CHRND: variants seen among roughly 807,000 people sequenced by gnomAD.
The protein encoded by CHRND is cholinergic receptor nicotinic delta subunit.
CHRND carries 40 observed loss-of-function variants against 57.8 expected under a neutral mutation model. The ratio of observed to expected loss-of-function variants is 0.69; its 90% CI spans 0.54 to 0.90. The LOEUF is 0.90. CHRND is among the 40% of genes least tolerant of loss of function. The probability of loss-of-function intolerance (pLI) is 0.00; values close to 1 mark genes in which losing one functional copy is unlikely to be tolerated. For missense variants in CHRND, 634 were observed against 673.9 expected (o/e 0.94, Z 0.66); for synonymous variants, 237 against 270.6 (o/e 0.88, Z 1.22).
rs886901149 is a variant in CHRND at position 232,531,969 on chromosome 2, A to G, written c.1047+313A>G. Reference sequence around the variant, plus strand: ...CTCAAAAAAAAAAAAAAAAAAAAAAAAAAAAGAAATGAGCACTCTCAATAG... The same window carrying G: ...CTCAAAAAAAAAAAAAAAAAAAAAAGAAAAAGAAATGAGCACTCTCAATAG... On this transcript the variant is annotated intron_variant, in intron 9 of 11. Transcript: ENST00000258385. Among the ~76,000 whole-genome samples, 7 of 149,776 alleles carry G rather than the reference A, an allele frequency of 4.7e-5. 1 individual carries two copies. Among genetic ancestry groups the G allele is most frequent in the East Asian group, 3.9e-4 (2 of 5,096 alleles).
At chr2:232,527,818 G>A (rs1691539304) in intron 3 of CHRND, among the ~76,000 whole-genome samples, 1 of 152,214 alleles carries the variant, frequency 6.6e-6, no homozygotes, top group South Asian at 2.1e-4. Context: ...GCTTCTGCAT[G>A]GAGATCCCGT....
chr2:232,535,360 C>A lies in CHRND; in HGVS notation c.*48C>A. Reference sequence around the variant, plus strand: ...GAGACAGCAGGGTCTGAGAGAGGAGCCACAGTCCCTAATGACACCCACTCC... The same window carrying A: ...GAGACAGCAGGGTCTGAGAGAGGAGACACAGTCCCTAATGACACCCACTCC... On this transcript the variant is annotated 3_prime_UTR_variant, in exon 12 of 12. Transcript: ENST00000258385. The A allele has an allele frequency of 6.3e-7, 1 of 1,599,276 alleles. No homozygotes were observed. Among genetic ancestry groups the A allele is most frequent in the Non-Finnish European group, 8.5e-7 (1 of 1,174,040 alleles).
At position 232,530,015 on chromosome 2, in the gene CHRND, C is replaced by A; in HGVS notation, c.696C>A (p.Ser232Arg). 1 of 1,614,206 alleles carries A rather than the reference C, an allele frequency of 6.2e-7. No homozygotes were observed. Among genetic ancestry groups the A allele is most frequent in the Admixed American group, 1.7e-5 (1 of 60,028 alleles). Residue 232 changes from serine to arginine, a missense_variant, in exon 7 of 12, where the codon AGC (serine) becomes AGA (arginine). Transcript: ENST00000258385. ...CCAGAGCCCCTCTGGACAGCCCCAG[C>A]CGCCAGGACATCACCTTCTACCTCA... ...VDPRAPLDSP[S>R]RQDITFYLII...
chr2:232,535,238 T>A lies in CHRND; in HGVS notation c.1480T>A (p.Tyr494Asn), dbSNP rs368695808. ...GTAWIFLQGV[Y>N]NQPPPQPFPG... ...AGCCTGGATCTTCCTGCAGGGCGTTTACAACCAGCCACCACCCCAGCCTTT... is the reference window on the plus strand; with the variant it reads ...AGCCTGGATCTTCCTGCAGGGCGTTAACAACCAGCCACCACCCCAGCCTTT... The change falls in exon 12 of 12, where the codon TAC becomes AAC. Residue 494 changes from tyrosine to asparagine, a missense_variant. Transcript: ENST00000258385. 1.2e-6 allele frequency: 2 copies of A among 1,614,194 alleles called. No individual in the cohort carries two copies. Among genetic ancestry groups the A allele is most frequent in the East Asian group, 2.2e-5 (1 of 44,872 alleles).
chr2:232,526,174 T>C lies in CHRND; in HGVS notation c.-42T>C, dbSNP rs1691450974. The C allele has an allele frequency of 1.4e-6, 2 of 1,453,952 alleles. No homozygotes were observed. Among genetic ancestry groups the C allele is most frequent in the Non-Finnish European group, 1.9e-6 (2 of 1,043,244 alleles). The allele number at this position is 1,453,952 out of a possible 1,614,324, so 90.1% of individuals were successfully genotyped here. A position where few individuals can be genotyped will look rare whatever the true frequency, so the allele number is the denominator to read the frequency against. Reference sequence around the variant, plus strand: ...CGCCCACCCTCATTCCACAGCCCTGTAGACAGGAGGGGCAGATGCACGTCC... The same window carrying C: ...CGCCCACCCTCATTCCACAGCCCTGCAGACAGGAGGGGCAGATGCACGTCC... On this transcript the variant is annotated 5_prime_UTR_variant, in exon 1 of 12. Coordinates refer to ENST00000258385, the MANE Select transcript of CHRND (RefSeq NM_000751.3).
chr2:232,533,867 C>G, intron 9 of CHRND, 64 bp from the exon 10 acceptor site: 1 of 1,541,416 alleles, frequency 6.5e-7, no homozygotes. Context: ...CAGAATGAGA[C>G]TCCGTCTCAA....
chr2:232,529,696 G>C (rs1354729255), intron 6 of CHRND, among the ~76,000 whole-genome samples: 1 of 152,168 alleles, frequency 6.6e-6, no homozygotes, highest in African/African-American at 2.4e-5. Context: ...GTCCTGTATG[G>C]CCTCAGCTTC....
At position 232,535,060 on chromosome 2, in the gene CHRND, C is replaced by G. The variant is rs1221720173; in HGVS notation, c.1372-70C>G. 1.9e-6 allele frequency: 3 copies of G among 1,584,424 alleles called. No individual in the cohort carries two copies. In the East Asian group the frequency reaches 6.7e-5, roughly 35 times the overall value. ...GCCGCCCTCTGCCTCCATGGCTGGG[C>G]CCCAGCTTGGGGGTGGGGCTTTGTG... On this transcript the variant is annotated intron_variant, in intron 11 of 11. Transcript: ENST00000258385.
In CHRND at chr2:232,531,213, G is replaced by A. The variant is rs568835324; in HGVS notation, c.821-139G>A. 1.0e-4 allele frequency: 73 copies of A among 715,482 alleles called. No homozygotes were observed. In the East Asian group the frequency reaches 1.2e-3, roughly 11 times the overall value. The allele number at this position is 715,482 out of a possible 1,614,324, so 44.3% of individuals were successfully genotyped here. A position where few individuals can be genotyped will look rare whatever the true frequency, so the allele number is the denominator to read the frequency against. On this transcript the variant is annotated intron_variant, in intron 7 of 11. Coordinates refer to ENST00000258385, the MANE Select transcript of CHRND (RefSeq NM_000751.3). The stretch of plus-strand genomic sequence containing the variant: ...CCCAGGCACTCTAGCTCCATAACCC[G>A]TAATTTTCATCAGGGTATGATGGTA...
chr2:232,532,476 C>CAAA (rs578172115), intron 9 of CHRND, among the ~76,000 whole-genome samples: 7 of 92,508 alleles, frequency 7.6e-5, no homozygotes, highest in Admixed American at 1.1e-4. Context: ...ACTCTGTCTC[C>CAAA]AAAAAAAAAA....
chr2:232,527,560 C>A (rs190197232), intron 3 of CHRND, 115 bp downstream of exon 3: 3 of 803,316 alleles, frequency 3.7e-6, no homozygotes, highest in East Asian at 4.9e-5. Context: ...TTGGCTGACA[C>A]GGTGAAACCC....
rs1250720439 is a variant in CHRND at position 232,529,051 on chromosome 2, C to A, written c.619+80C>A. 4.5e-6 allele frequency: 4 copies of A among 886,516 alleles called. No individual in the cohort carries two copies. The African/African-American group carries it at 4.9e-5, about 11-fold the overall frequency. 54.9% of individuals were successfully genotyped at this position (886,516 alleles called of 1,614,324 possible). A position where few individuals can be genotyped will look rare whatever the true frequency, so the allele number is the denominator to read the frequency against. ...ACTGGCCCTGTCCACCCCAGAGACA[C>A]ACACGTGCACACACACACACACTTA... On this transcript the variant is annotated intron_variant, in intron 6 of 11. Transcript: ENST00000258385.
chr2:232,534,246 G>T lies in CHRND; in HGVS notation c.1275G>T (p.Glu425Asp). The change falls in exon 11 of 12, where the codon GAG (glutamate) becomes GAT (aspartate). Residue 425 changes from glutamate (E) to aspartate (D), a missense_variant. Physicochemically the swap from Glu to Asp is conservative, Grantham distance 45. Transcript: ENST00000258385. ...TAGGCCGGCCCCCAGCAAGCTCTGA[G>T]CAGGCCCAGCAGGAACTCTTCAATG... ...TTARRPPASS[E>D]QAQQELFNEL... is the part of the protein sequence containing the mutation. The T allele has an allele frequency of 6.2e-7, 1 of 1,614,206 alleles. No individual in the cohort carries two copies. The highest frequency in any genetic ancestry group is 8.5e-7 in the Non-Finnish European group (1 of 1,180,042).
intron 7 of CHRND, 86 bp from the exon 8 acceptor site, chr2:232,531,266 G>A (rs1691678304): frequency 6.0e-6 from 4 of 665,156 alleles, no homozygotes; most frequent in Non-Finnish European, 1.0e-5. Context: ...GCCACAGCGG[G>A]ACCCTCTAGG....
chr2:232,527,452 A>T lies in CHRND; in HGVS notation c.243+7A>T. The T allele has an allele frequency of 6.2e-7, 1 of 1,611,216 alleles. No individual in the cohort carries two copies. The highest frequency in any genetic ancestry group is 8.5e-7 in the Non-Finnish European group (1 of 1,178,060). On this transcript the variant is annotated splice_region_variant and intron_variant, in intron 3 of 11. Transcript: ENST00000258385. The stretch of plus-strand genomic sequence containing the variant: ...CAATGTGTGGATAGAGCACGTAAGA[A>T]TGCCCCTCCCAGCCGGGCGCAGTGG...
At position 232,531,315 on chromosome 2, in the gene CHRND, G is replaced by A. The variant is rs41265125; in HGVS notation, c.821-37G>A. Reference sequence around the variant, plus strand: ...GGTCACAGCTGGACCCTCTAGGACCGGTGCCCCAAGGTCACAGCTAAGTCT... The same window carrying A: ...GGTCACAGCTGGACCCTCTAGGACCAGTGCCCCAAGGTCACAGCTAAGTCT... On this transcript the variant is annotated intron_variant, in intron 7 of 11. Transcript: ENST00000258385. 111,013 of 1,382,740 alleles carry A rather than the reference G, an allele frequency of 0.08. 4,838 individuals carry two copies. The highest frequency in any genetic ancestry group is 0.13 in the Middle Eastern group (669 of 5,112). The allele number at this position is 1,382,740 out of a possible 1,614,324, so 85.7% of individuals were successfully genotyped here. A position where few individuals can be genotyped will look rare whatever the true frequency, so the allele number is the denominator to read the frequency against.
intron 11 of CHRND, among the ~76,000 whole-genome samples, chr2:232,534,756 C>A (rs538158656): frequency 3.3e-5 from 5 of 152,216 alleles, no homozygotes; most frequent in African/African-American, 1.2e-4. Context: ...GCACCTTTTC[C>A]CAGTTCACAT....
chr2:232,529,058 G>GCACA, intron 6 of CHRND, 87 bp downstream of exon 6: 2 of 841,662 alleles, frequency 2.4e-6, no homozygotes, highest in Non-Finnish European at 4.0e-6. Context: ...ACACACACGT[G>GCACA]CACACACACA....
In CHRND at chr2:232,533,990, C is replaced by T. The variant is rs764230340; in HGVS notation, c.1107C>T (p.Pro369=). ...TGTCCCGCCCAGCAGAGGATGGACC[C>T]AGCCCTGGGGCCCTGGTGCGGAGGA... The part of the protein sequence containing the change: ...LHMSRPAEDG[P]SPGALVRRSS... Residue 369 remains proline (P), a synonymous_variant, in exon 10 of 12, where the codon CCC becomes CCT. Coordinates refer to ENST00000258385, the MANE Select transcript of CHRND (RefSeq NM_000751.3). The T allele has an allele frequency of 6.2e-7, 1 of 1,613,878 alleles. No homozygotes were observed. The highest frequency in any genetic ancestry group is 1.7e-5 in the Admixed American group (1 of 60,032).
Sources: gnomAD v4.1 joint callset for allele counts (sites outside exome capture counted in the v4.1 genomes callset) on GRCh38, gnomAD v4.1.1 for gene constraint, MANE v1.5 for transcripts, NCBI Gene and HGNC (gene_info 2026-07-23, HGNC 2026-07-21) for gene names.